The following HS3ST3B1 variants were observed in gnomAD, a reference collection of about 807,000 sequenced individuals.
HS3ST3B1 encodes heparan sulfate-glucosamine 3-sulfotransferase 3B1.
In HS3ST3B1, 13 loss-of-function variants were observed where a neutral mutation model predicts 21.3. That is an observed-to-expected ratio of 0.61 (90% confidence interval 0.40 to 0.97). The LOEUF is 0.97. Ranked by LOEUF, HS3ST3B1 falls within the 50% of genes least tolerant of loss-of-function variation. The pLI, the probability that HS3ST3B1 is intolerant of heterozygous loss-of-function variation, is 0.00. For synonymous variants in HS3ST3B1, 234 were observed against 254.8 expected, an observed-to-expected ratio of 0.92 and a Z score of 0.78; for missense variants, 459 against 554.8, an observed-to-expected ratio of 0.83 and a Z score of 1.73.
chr17:14,331,848 CAGAA>C (rs1261730426), intron 1 of HS3ST3B1, among the ~76,000 whole-genome samples: 1 of 152,070 alleles, frequency 6.6e-6, no homozygotes, highest in Non-Finnish European at 1.5e-5. Flanking sequence ...AGGGAGTTCT[CAGAA>C]AGGGTGGCTT....
chr17:14,322,801 C>G (rs994541225), intron 1 of HS3ST3B1, among the ~76,000 whole-genome samples: 11 of 151,892 alleles, frequency 7.2e-5, no homozygotes, highest in Admixed American at 3.9e-4. Context: ...GGCTGGTGGA[C>G]AGCTGCTGGG....
intron 1 of HS3ST3B1, among the ~76,000 whole-genome samples, chr17:14,341,345 C>A (rs191409879): frequency 2.0e-4 from 31 of 152,290 alleles, no homozygotes; most frequent in Non-Finnish European, 3.2e-4. Context: ...TCATTGCCCC[C>A]CTGTGGGGTA....
chr17:14,301,774 C>A lies in HS3ST3B1; in HGVS notation c.256C>A (p.Pro86Thr). The change falls in exon 1 of 2, where the codon CCC (proline) becomes ACC (threonine). Residue 86 changes from proline (P) to threonine (T), a missense_variant. Around this residue, in one of 3 missense-constraint regions of HS3ST3B1, gnomAD observed 317 missense variants for 278.6 expected, o/e 1.14. Coordinates refer to ENST00000360954, the MANE Select transcript of HS3ST3B1 (RefSeq NM_006041.3). ...GGCCACAGCTCCGGACGGGACGCCC[C>A]CCAGGCTGCCGTTCCGGGCGCCGCC... ...ALATAPDGTP[P>T]RLPFRAPPAT... 1 of 1,567,204 alleles carries A rather than the reference C, an allele frequency of 6.4e-7. No homozygotes were observed. The highest frequency in any genetic ancestry group is 8.6e-7 in the Non-Finnish European group (1 of 1,156,976).
chr17:14,317,008 G>A (rs373537249), intron 1 of HS3ST3B1, among the ~76,000 whole-genome samples: 31 of 152,276 alleles, frequency 2.0e-4, no homozygotes, highest in African/African-American at 6.7e-4. Context: ...TGCATGGATC[G>A]CCTGCTCACC....
At chr17:14,311,237 T>TAA (rs5819469) in intron 1 of HS3ST3B1, among the ~76,000 whole-genome samples, 1,355 of 130,756 alleles carry the variant, frequency 0.01, 24 homozygotes, top group African/African-American at 0.036. Flanking sequence ...CCTGGCTAAT[T>TAA]AAAAAAAAAA....
rs191049974 is a variant in HS3ST3B1, at chr17:14,313,042, T to C, written c.554+10970T>C. Among the ~76,000 whole-genome samples, 10 of 146,396 alleles carry C rather than the reference T, an allele frequency of 6.8e-5. 1 individual carries two copies. The East Asian group carries it at 8.3e-4, about 12-fold the overall frequency. ...GCCTCAGCCTCCCGAGTAGCTGGGA[T>C]TACAGACGCCCACCACACCACACCC... On this transcript the variant is annotated intron_variant, in intron 1 of 1. Transcript: ENST00000360954.
intron 1 of HS3ST3B1, among the ~76,000 whole-genome samples, chr17:14,319,798 A>C (rs1909601661): frequency 6.6e-6 from 1 of 152,016 alleles, no homozygotes; most frequent in African/African-American, 2.4e-5. Flanking sequence ...TTATTTCAAT[A>C]GTTTTTGGGG....
intron 1 of HS3ST3B1, among the ~76,000 whole-genome samples, chr17:14,318,468 C>T (rs1028341192): frequency 6.6e-6 from 1 of 152,156 alleles, no homozygotes; most frequent in South Asian, 2.1e-4. Context: ...TCCTGCTTGC[C>T]GGTACTCCCA....
intron 1 of HS3ST3B1, chr17:14,329,288 GGAAATAAA>G (rs1909905505): frequency 7.9e-6 from 1 of 125,832 alleles, no homozygotes; most frequent in African/African-American, 2.9e-5. Flanking sequence ...TGTGCCATGA[GGAAATAAA>G]GAAAGAAAGA....
chr17:14,321,053 C>T (rs1228582099), intron 1 of HS3ST3B1, among the ~76,000 whole-genome samples: 1 of 152,222 alleles, frequency 6.6e-6, no homozygotes, highest in Non-Finnish European at 1.5e-5. Flanking sequence ...GAAAGTCTCA[C>T]TCCTTTTGTT....
intron 1 of HS3ST3B1, among the ~76,000 whole-genome samples, chr17:14,334,994 T>G (rs1910145619): frequency 6.6e-6 from 1 of 152,200 alleles, no homozygotes; most frequent in Admixed American, 6.5e-5. Context: ...TAAAGATTTC[T>G]CTTTGTCACA....
intron 1 of HS3ST3B1, among the ~76,000 whole-genome samples, chr17:14,339,637 G>A (rs113158458): frequency 3.0e-4 from 45 of 152,314 alleles, no homozygotes; most frequent in African/African-American, 1.0e-3. Context: ...CCACAAAGGC[G>A]TTAAAGTAGG....
At chr17:14,311,333 C>A (rs1909299624) in intron 1 of HS3ST3B1, among the ~76,000 whole-genome samples, 1 of 152,044 alleles carries the variant, frequency 6.6e-6, no homozygotes, top group Admixed American at 6.6e-5. Context: ...TCCTCCTCAA[C>A]CTCCCAAAGT....
chr17:14,308,487 A>G (rs1185373655), intron 1 of HS3ST3B1, among the ~76,000 whole-genome samples: 5 of 152,240 alleles, frequency 3.3e-5, no homozygotes, highest in Non-Finnish European at 7.3e-5. Flanking sequence ...TGGATGAAAC[A>G]TGTTTAAATA....
Position 14,301,988 on chromosome 17 carries a change from T to C in HS3ST3B1, c.470T>C (p.Leu157Pro), listed in dbSNP as rs1908949424. 6.2e-7 allele frequency: 1 copy of C among 1,609,648 alleles called. No individual in the cohort carries two copies. The change falls in exon 1 of 2, where the codon CTG (leucine) becomes CCG (proline). Residue 157 changes from leucine (L) to proline (P), a missense_variant. Coordinates refer to ENST00000360954, the MANE Select transcript of HS3ST3B1 (RefSeq NM_006041.3). ...KGGTRALLEF[L>P]RVHPDVRAVG... The stretch of plus-strand genomic sequence containing the variant: ...GGCACGCGGGCGCTGCTGGAGTTTC[T>C]GCGCGTGCACCCCGACGTGCGCGCC...
chr17:14,307,022 A>T (rs754114139), intron 1 of HS3ST3B1, among the ~76,000 whole-genome samples: 6 of 151,176 alleles, frequency 4.0e-5, no homozygotes, highest in Non-Finnish European at 7.4e-5. Context: ...AAATTAACCT[A>T]ATCATAAGTG....
intron 1 of HS3ST3B1, among the ~76,000 whole-genome samples, chr17:14,307,375 A>G (rs1050835000): frequency 6.6e-6 from 1 of 151,922 alleles, no homozygotes; most frequent in African/African-American, 2.4e-5. Flanking sequence ...ATGACCTGTC[A>G]CAGCTTCTGT....
chr17:14,337,248 T>C (rs1910212168), intron 1 of HS3ST3B1, among the ~76,000 whole-genome samples: 1 of 152,108 alleles, frequency 6.6e-6, no homozygotes, highest in African/African-American at 2.4e-5. Flanking sequence ...GTTTTACTGG[T>C]AGCCTGATTC....
At position 14,301,855 on chromosome 17, in the gene HS3ST3B1, G is replaced by T. The variant is rs1474853392; in HGVS notation, c.337G>T (p.Glu113Ter). ...EMAEGAASPE[E>*]QSPEVPDSPS... ...GGCCGAGGGCGCTGCGAGCCCGGAG[G>T]AGCAGAGTCCCGAGGTGCCGGACTC... Residue 113 changes from glutamate to a stop codon, truncating the protein, a stop_gained, in exon 1 of 2, where the codon GAG (glutamate) becomes TAG (stop). Transcript: ENST00000360954. LOFTEE classifies it high-confidence loss of function. 2 of 1,598,076 alleles carry T rather than the reference G, an allele frequency of 1.3e-6. No homozygotes were observed. The highest frequency in any genetic ancestry group is 1.7e-6 in the Non-Finnish European group (2 of 1,173,644).
Sources: allele counts gnomAD v4.1 joint callset (sites outside exome capture counted in the v4.1 genomes callset), GRCh38; gene constraint gnomAD v4.1.1; regional missense constraint gnomAD v4.1.1; transcripts MANE v1.5; gene names NCBI Gene and HGNC (gene_info 2026-07-23, HGNC 2026-07-21).